Variants in GRIA2 observed in about 807,000 individuals in gnomAD.
The protein encoded by GRIA2 is glutamate ionotropic receptor AMPA type subunit 2.
Under a neutral mutation model 97.3 loss-of-function variants are expected in GRIA2, and 14 were observed. The ratio of observed to expected loss-of-function variants is 0.14; its 90% CI spans 0.10 to 0.23. GRIA2 has a LOEUF of 0.23. Ranked by LOEUF, GRIA2 falls within the 10% of genes least tolerant of loss-of-function variation. The pLI, the probability that GRIA2 is intolerant of heterozygous loss-of-function variation, is 1.00. For synonymous variants in GRIA2, 412 were observed against 387.8 expected, an observed-to-expected ratio of 1.06 and a Z score of -0.73; for missense variants, 558 against 1,069.8, an observed-to-expected ratio of 0.52 and a Z score of 6.67.
chr4:157,361,051 G>A lies in GRIA2; in HGVS notation c.2333G>A (p.Gly778Asp). ...NLAVLKLNEQ[G>D]LLDKLKNKWW... Reference sequence around the variant, plus strand: ...GCAGTACTAAAACTGAATGAACAAGGCCTGTTGGACAAATTGAAAAACAAA... The same window carrying A: ...GCAGTACTAAAACTGAATGAACAAGACCTGTTGGACAAATTGAAAAACAAA... The change falls in exon 14 of 16, where the codon GGC becomes GAC. Residue 778 changes from glycine to aspartate, a missense_variant. Around this residue, in one of 8 missense-constraint regions of GRIA2, gnomAD observed 125 missense variants for 310.2 expected, o/e 0.40. Coordinates refer to ENST00000264426, the MANE Select transcript of GRIA2 (RefSeq NM_001083619.3). This position sits in a 1 kb window ranked among gnomAD's most constrained non-coding sequence, Gnocchi z 5.2. The A allele has an allele frequency of 6.2e-7, 1 of 1,613,638 alleles. No individual in the cohort carries two copies. Among genetic ancestry groups the A allele is most frequent in the Non-Finnish European group, 8.5e-7 (1 of 1,179,608 alleles).
chr4:157,223,389 G>A (rs1729595973), intron 2 of GRIA2, among the ~76,000 whole-genome samples: 1 of 152,086 alleles, frequency 6.6e-6, no homozygotes, highest in Non-Finnish European at 1.5e-5. Flanking sequence ...CGGGTGTGGG[G>A]GTACAGAACG....
intron 12 of GRIA2, among the ~76,000 whole-genome samples, chr4:157,355,648 A>ATATATATTTATT (rs1736232310): frequency 7.6e-6 from 1 of 131,122 alleles, no homozygotes; most frequent in Non-Finnish European, 1.6e-5. Context: ...ATATTTATTT[A>ATATATATTTATT]TATATTTATT....
At chr4:157,250,848 A>G (rs1043773649) in intron 2 of GRIA2, among the ~76,000 whole-genome samples, 1 of 152,114 alleles carries the variant, frequency 6.6e-6, no homozygotes, top group Admixed American at 6.6e-5. Context: ...CACATACTTC[A>G]TGATCCCAGG....
chr4:157,333,224 T>C (rs1454915167), intron 7 of GRIA2, 25 bp from the exon 8 acceptor site: 1 of 1,324,952 alleles, frequency 7.5e-7, no homozygotes. Flanking sequence ...TATATAACTC[T>C]GCTGCTTTCC....
intron 3 of GRIA2, among the ~76,000 whole-genome samples, chr4:157,310,016 A>C (rs950683577): frequency 1.3e-5 from 2 of 152,164 alleles, no homozygotes; most frequent in Non-Finnish European, 2.9e-5. Context: ...CAGCAAATGG[A>C]AAGTGGCTTA....
At chr4:157,360,881 CT>C in intron 13 of GRIA2, 128 bp from the exon 14 acceptor site, 5 of 712,362 alleles carry the variant, frequency 7.0e-6, no homozygotes, top group Admixed American at 2.4e-5. Flanking sequence ...TTATTGTGGC[CT>C]TTTTCCCACT....
chr4:157,288,321 G>A (rs1239540558), intron 2 of GRIA2, among the ~76,000 whole-genome samples: 1 of 151,456 alleles, frequency 6.6e-6, no homozygotes, highest in Non-Finnish European at 1.5e-5. Flanking sequence ...CATTTTTTAG[G>A]TACTAACCCT....
intron 2 of GRIA2, among the ~76,000 whole-genome samples, chr4:157,295,118 G>A (rs1409316168): frequency 6.6e-6 from 1 of 152,074 alleles, no homozygotes; most frequent in African/African-American, 2.4e-5. Context: ...AATGAAGCCA[G>A]AATAAATGTT....
At chr4:157,287,941 T>C (rs1461964037) in intron 2 of GRIA2, among the ~76,000 whole-genome samples, 1 of 151,610 alleles carries the variant, frequency 6.6e-6, no homozygotes, top group African/African-American at 2.4e-5. Flanking sequence ...GTCTTGCATA[T>C]ATATTACATT....
intron 2 of GRIA2, among the ~76,000 whole-genome samples, chr4:157,261,707 T>C (rs755876115): frequency 1.3e-5 from 2 of 152,154 alleles, no homozygotes; most frequent in African/African-American, 2.4e-5. Flanking sequence ...TTTTGCTTTG[T>C]ATTTGTTAGT....
chr4:157,363,043 AG>A lies in GRIA2; in HGVS notation c.*3+1del. 3.7e-6 allele frequency: 6 copies of A among 1,609,884 alleles called. No individual in the cohort carries two copies. The highest frequency in any genetic ancestry group is 5.1e-6 in the Non-Finnish European group (6 of 1,177,212). ...TATGGCATCGAAAGTGTTAAAATTT[AG>A]GGGGTAGGAACGAGGCTCTAATACA... ...NVYGIESVKI[*>X] is the part of the protein sequence containing the mutation. On this transcript the variant is annotated frameshift_variant and stop_lost, in exon 15 of 16. Transcript: ENST00000264426. LOFTEE classifies it high-confidence loss of function.
intron 2 of GRIA2, among the ~76,000 whole-genome samples, chr4:157,279,882 T>C (rs996051581): frequency 6.6e-6 from 1 of 152,150 alleles, no homozygotes; most frequent in Non-Finnish European, 1.5e-5. Flanking sequence ...CTCAGCACTT[T>C]GGGAGGCCAA....
chr4:157,248,244 GT>G (rs1210457463), intron 2 of GRIA2, among the ~76,000 whole-genome samples: 1 of 151,166 alleles, frequency 6.6e-6, no homozygotes, highest in Admixed American at 6.6e-5. Context: ...AACAGATAAA[GT>G]TTAACAGACA....
chr4:157,363,078 A>G (rs1736707886), intron 15 of GRIA2, 31 bp downstream of exon 15: 1 of 1,576,818 alleles, frequency 6.3e-7, no homozygotes. Flanking sequence ...CAAACTTTTT[A>G]GTGCACGTTT....
chr4:157,359,711 A>G (rs1736551114), intron 12 of GRIA2, among the ~76,000 whole-genome samples, 185 bp from the exon 13 acceptor site: 2 of 152,170 alleles, frequency 1.3e-5, no homozygotes. Flanking sequence ...GAATCTATTA[A>G]AAATGATTTG....
intron 11 of GRIA2, among the ~76,000 whole-genome samples, chr4:157,338,601 C>T: frequency 6.6e-6 from 1 of 152,028 alleles, no homozygotes; most frequent in East Asian, 1.9e-4. Context: ...CTTTTGATTT[C>T]ATTCATGAGT....
At chr4:157,351,937 T>G (rs1736027758) in intron 12 of GRIA2, among the ~76,000 whole-genome samples, 1 of 152,222 alleles carries the variant, frequency 6.6e-6, no homozygotes, top group Admixed American at 6.5e-5. Flanking sequence ...TACGCAGTCT[T>G]GTCCAGTTCT....
intron 2 of GRIA2, among the ~76,000 whole-genome samples, chr4:157,225,742 G>C (rs1019272475): frequency 9.9e-5 from 15 of 151,326 alleles, no homozygotes; most frequent in Admixed American, 9.9e-4. Context: ...ACTTTAGTAT[G>C]AGGATATGAG....
chr4:157,273,003 G>C (rs534156059), intron 2 of GRIA2, among the ~76,000 whole-genome samples: 7 of 152,036 alleles, frequency 4.6e-5, no homozygotes, highest in African/African-American at 1.7e-4. Context: ...CACATCCATG[G>C]ATTCAACCAA....
Sources: gnomAD v4.1 joint callset for allele counts (sites outside exome capture counted in the v4.1 genomes callset) on GRCh38, gnomAD v4.1.1 for gene constraint, gnomAD v4.1.1 regional missense constraint, Gnocchi (gnomAD v3.1) non-coding constraint, MANE v1.5 for transcripts, NCBI Gene and HGNC (gene_info 2026-07-23, HGNC 2026-07-21) for gene names.